The following MIB1 variants were observed in gnomAD, a reference collection of about 807,000 sequenced individuals.
MIB1 encodes the protein MIB E3 ubiquitin protein ligase 1, also known as E3 ubiquitin-protein ligase MIB1.
A neutral mutation model predicts 124.5 loss-of-function variants in MIB1; 278 were observed. The ratio of observed to expected loss-of-function variants is 2.23; its 90% CI spans 2.02 to 2.47. The LOEUF is 2.47. MIB1 is among the 30% of genes most tolerant of loss of function. MIB1 has a pLI of 0.00. For missense variants in MIB1, 957 were observed against 1,254.4 expected (o/e 0.76, Z 3.58); for synonymous variants, 446 against 429.4 (o/e 1.04, Z -0.48).
chr18:21,795,278 AATAT>A lies in MIB1; in HGVS notation c.1093-2801_1093-2798del, dbSNP rs933685984. On this transcript the variant is annotated intron_variant, in intron 7 of 20. Transcript: ENST00000261537. ...CAAGTCGAGATTTTATATATATATAAATATATATGTATATATATAATATATAAAT... is the reference window on the plus strand; with the variant it reads ...CAAGTCGAGATTTTATATATATATAAATATGTATATATATAATATATAAAT... Among the ~76,000 whole-genome samples the A allele has an allele frequency of 4.9e-5, 7 of 142,522 alleles. No individual in the cohort carries two copies. In the South Asian group the frequency reaches 6.4e-4, roughly 13 times the overall value. The allele number at this position is 142,522 out of a possible 152,430, so 93.5% of individuals were successfully genotyped here.
At chr18:21,789,708 T>A (rs936177162) in intron 6 of MIB1, among the ~76,000 whole-genome samples, 1 of 152,042 alleles carries the variant, frequency 6.6e-6, no homozygotes, top group Non-Finnish European at 1.5e-5. Flanking sequence ...TCCCAGCTAC[T>A]TGGGAGACTG....
At chr18:21,794,531 T>A (rs1022832464) in intron 7 of MIB1, among the ~76,000 whole-genome samples, 4 of 151,868 alleles carry the variant, frequency 2.6e-5, no homozygotes, top group Non-Finnish European at 4.4e-5. Context: ...GAAACAAATA[T>A]GAAAATTTGT....
At chr18:21,732,381 C>T (rs2040775693) in intron 1 of MIB1, among the ~76,000 whole-genome samples, 1 of 151,314 alleles carries the variant, frequency 6.6e-6, no homozygotes, top group Non-Finnish European at 1.5e-5. Flanking sequence ...CACACACACA[C>T]ACACACACAC....
chr18:21,744,644 C>A (rs1432725368), intron 1 of MIB1, among the ~76,000 whole-genome samples: 1 of 152,154 alleles, frequency 6.6e-6, no homozygotes, highest in Non-Finnish European at 1.5e-5. Context: ...GAAAAACAAT[C>A]TTGTTATCTC....
intron 1 of MIB1, among the ~76,000 whole-genome samples, chr18:21,706,526 G>T (rs2040633379): frequency 6.6e-6 from 1 of 152,178 alleles, no homozygotes; most frequent in Non-Finnish European, 1.5e-5. Flanking sequence ...GAGAGGCGTG[G>T]GCGGGAACCG....
chr18:21,819,516 C>T lies in MIB1; in HGVS notation c.1699C>T (p.Leu567Phe), dbSNP rs765603633. 1.9e-6 allele frequency: 3 copies of T among 1,606,884 alleles called. No individual in the cohort carries two copies. The highest frequency in any genetic ancestry group is 8.5e-7 in the Non-Finnish European group (1 of 1,175,896). ...SLQDSEGDTP[L>F]HDAISKKRDD... is the part of the protein sequence containing the mutation. ...AAAGGATTCTGAAGGTGATACCCCTCTTCATGATGCAATAAGTAAGAAACG... is the reference window on the plus strand; with the variant it reads ...AAAGGATTCTGAAGGTGATACCCCTTTTCATGATGCAATAAGTAAGAAACG... Residue 567 changes from leucine to phenylalanine, a missense_variant, in exon 12 of 21, where the codon CTT (leucine) becomes TTT (phenylalanine). Coordinates refer to ENST00000261537, the MANE Select transcript of MIB1 (RefSeq NM_020774.4).
intron 18 of MIB1, among the ~76,000 whole-genome samples, chr18:21,854,426 G>A (rs759309244): frequency 2.0e-5 from 3 of 152,120 alleles, no homozygotes; most frequent in Non-Finnish European, 2.9e-5. Flanking sequence ...CAGATGACAC[G>A]TCAGATTTGG....
chr18:21,805,416 C>T (rs1230231087), intron 10 of MIB1, among the ~76,000 whole-genome samples: 1 of 152,086 alleles, frequency 6.6e-6, no homozygotes, highest in Admixed American at 6.5e-5. Context: ...GTTACTTTTG[C>T]ACTAGTAATT....
In MIB1 at chr18:21,847,046, A is replaced by T. The variant is rs2146508921; in HGVS notation, c.2314A>T (p.Lys772Ter). 2 of 1,614,142 alleles carry T rather than the reference A, an allele frequency of 1.2e-6. No individual in the cohort carries two copies. The highest frequency in any genetic ancestry group is 1.3e-5 in the African/African-American group (1 of 75,008). The change falls in exon 16 of 21, where the codon AAG (lysine) becomes TAG (stop). Residue 772 changes from lysine (K) to a stop codon, truncating the protein, a stop_gained. Coordinates refer to ENST00000261537, the MANE Select transcript of MIB1 (RefSeq NM_020774.4). LOFTEE classifies it high-confidence loss of function. Reference sequence around the variant, plus strand: ...TGCTGACCTGAGCATTCGAAATAAGAAGGGTCAATCGCCACTTGATCTCTG... The same window carrying T: ...TGCTGACCTGAGCATTCGAAATAAGTAGGGTCAATCGCCACTTGATCTCTG... Reference protein sequence around the residue: ...NGADLSIRNKKGQSPLDLCPD... With the variant: ...NGADLSIRNK
chr18:21,740,689 C>G (rs995093243), upstream of MIB1, among the ~76,000 whole-genome samples: 1 of 152,236 alleles, frequency 6.6e-6, no homozygotes. Context: ...CACCACCGGG[C>G]GGCAACTCCA....
At chr18:21,777,516 A>G (rs1037663266) in intron 4 of MIB1, among the ~76,000 whole-genome samples, 4 of 152,142 alleles carry the variant, frequency 2.6e-5, no homozygotes, top group African/African-American at 7.2e-5. Flanking sequence ...AATTATAAGC[A>G]TTTTAGTCTA....
intron 1 of MIB1, among the ~76,000 whole-genome samples, chr18:21,731,624 C>T (rs888502446): frequency 2.0e-5 from 3 of 149,044 alleles, no homozygotes; most frequent in African/African-American, 7.4e-5. Flanking sequence ...CCCAGCTACT[C>T]GGGAGGCTGA....
chr18:21,727,204 A>AGTTCAAGT (rs5823308), intron 1 of MIB1, among the ~76,000 whole-genome samples: 3,883 of 152,124 alleles, frequency 0.026, 174 homozygotes, highest in African/African-American at 0.086. Flanking sequence ...CTACCTCCCA[A>AGTTCAAGT]GTTCAAGTGA....
chr18:21,766,003 T>C, intron 2 of MIB1, 60 bp downstream of exon 2: 1 of 1,501,694 alleles, frequency 6.7e-7, no homozygotes, highest in Non-Finnish European at 9.2e-7. Flanking sequence ...AGTTATGTAC[T>C]TCTGGGCCTT....
At chr18:21,861,093 C>A (rs1205510245) in intron 20 of MIB1, among the ~76,000 whole-genome samples, 1 of 152,082 alleles carries the variant, frequency 6.6e-6, no homozygotes, top group East Asian at 1.9e-4. Flanking sequence ...GGCATTTAAA[C>A]CCCCATCTGA....
chr18:21,746,931 A>C (rs1335495324), intron 1 of MIB1, among the ~76,000 whole-genome samples: 2 of 152,188 alleles, frequency 1.3e-5, no homozygotes, highest in Admixed American at 1.3e-4. Flanking sequence ...GATTAAAAAA[A>C]TGAAATGAAT....
intron 10 of MIB1, among the ~76,000 whole-genome samples, chr18:21,813,888 A>G (rs1330611351): frequency 6.6e-6 from 1 of 152,064 alleles, no homozygotes; most frequent in African/African-American, 2.4e-5. Context: ...AGGATCAGGG[A>G]CAGACACATG....
chr18:21,798,171 C>T lies in MIB1; in HGVS notation c.1180C>T (p.Pro394Ser). The stretch of plus-strand genomic sequence containing the variant: ...TTGTGGAACATCTTGGACATACAAT[C>T]CAGCAGCAGTTTCCAAGGTGGCATC... ...EVCGTSWTYNPAAVSKVASAG... is the reference protein window; with the variant it reads ...EVCGTSWTYNSAAVSKVASAG... Residue 394 changes from proline to serine, a missense_variant, in exon 8 of 21, where the codon CCA becomes TCA. Physicochemically the swap from Pro to Ser is moderately conservative, Grantham distance 74. Transcript: ENST00000261537. 1 of 1,613,294 alleles carries T rather than the reference C, an allele frequency of 6.2e-7. No homozygotes were observed. Among genetic ancestry groups the T allele is most frequent in the Non-Finnish European group, 8.5e-7 (1 of 1,179,426 alleles).
upstream of MIB1, chr18:21,704,936 G>C (rs543389887): frequency 3.5e-6 from 1 of 289,162 alleles, no homozygotes; most frequent in East Asian, 5.9e-5. Flanking sequence ...TTCCAAGACC[G>C]GCCACCGGGA....
Sources: gnomAD v4.1 joint callset for allele counts (sites outside exome capture counted in the v4.1 genomes callset) on GRCh38, gnomAD v4.1.1 for gene constraint, MANE v1.5 for transcripts, NCBI Gene and HGNC (gene_info 2026-07-23, HGNC 2026-07-21) for gene names.